Variants in MTMR9 observed in about 807,000 individuals in gnomAD.
MTMR9 encodes myotubularin-related protein 9.
A neutral mutation model predicts 69.5 loss-of-function variants in MTMR9; 39 were observed. The ratio of observed to expected loss-of-function variants is 0.56; its 90% CI spans 0.43 to 0.73. MTMR9 has a LOEUF of 0.73. MTMR9 is among the 30% of genes least tolerant of loss of function. The probability of loss-of-function intolerance (pLI) is 0.00; values close to 1 mark genes in which losing one functional copy is unlikely to be tolerated. For synonymous variants in MTMR9, 354 were observed against 240.8 expected, an observed-to-expected ratio of 1.47 and a Z score of -4.35; for missense variants, 900 against 671.2, an observed-to-expected ratio of 1.34 and a Z score of -3.77.
intron 1 of MTMR9, among the ~76,000 whole-genome samples, chr8:11,286,340 T>C (rs1404646989): frequency 1.3e-5 from 2 of 151,854 alleles, no homozygotes; most frequent in African/African-American, 2.4e-5. Context: ...GGGGCTCTTA[T>C]TAGTCTCCTC....
Position 11,304,925 on chromosome 8 carries a change from A to G in MTMR9, c.502A>G (p.Ile168Val). 1 of 1,614,122 alleles carries G rather than the reference A, an allele frequency of 6.2e-7. No homozygotes were observed. Among genetic ancestry groups the G allele is most frequent in the South Asian group, 1.1e-5 (1 of 91,082 alleles). The stretch of plus-strand genomic sequence containing the variant: ...ACCAATTGTCACAGTGCCCAAATCC[A>G]TCGATGATGAAGCTCTTCGGAAGGT... Reference protein sequence around the residue: ...YPPIVTVPKSIDDEALRKVAT... With the variant: ...YPPIVTVPKSVDDEALRKVAT... Residue 168 changes from isoleucine to valine, a missense_variant, in exon 4 of 10, where the codon ATC becomes GTC. Transcript: ENST00000221086.
Position 11,326,461 on chromosome 8 carries a change from G to C in MTMR9, c.*3673G>C, listed in dbSNP as rs969987793. The stretch of plus-strand genomic sequence containing the variant: ...GAGAATGAAGTCATTCAGTACATCT[G>C]ATAAAGTTTTGTTGTTGTTGTTGTT... On this transcript the variant is annotated 3_prime_UTR_variant, in exon 10 of 10. Coordinates refer to ENST00000221086, the MANE Select transcript of MTMR9 (RefSeq NM_015458.4). The C allele has an allele frequency of 7.3e-6, 1 of 136,622 alleles. No individual in the cohort carries two copies. Among genetic ancestry groups the C allele is most frequent in the African/African-American group, 2.8e-5 (1 of 35,528 alleles). 8.5% of individuals were successfully genotyped at this position (136,622 alleles called of 1,614,324 possible).
Position 11,309,434 on chromosome 8 carries a change from C to T in MTMR9, c.810-93C>T, listed in dbSNP as rs965828899. The T allele has an allele frequency of 2.2e-5, 23 of 1,068,726 alleles. No homozygotes were observed. The African/African-American group carries it at 2.7e-4, about 13-fold the overall frequency. 66.2% of individuals were successfully genotyped at this position (1,068,726 alleles called of 1,614,324 possible). On this transcript the variant is annotated intron_variant, in intron 5 of 9. Transcript: ENST00000221086. ...TTTATAGTATTTTGAACTACTTTTG[C>T]TCTTAGATATGTTGGAGGCTGAATC...
chr8:11,309,080 A>G (rs1024587833), intron 5 of MTMR9, among the ~76,000 whole-genome samples: 5 of 152,202 alleles, frequency 3.3e-5, no homozygotes, highest in Admixed American at 1.3e-4. Flanking sequence ...AGAGTGATTT[A>G]TAAGTGTCTC....
At chr8:11,332,411 C>T (rs1476918162), downstream of MTMR9, among the ~76,000 whole-genome samples, 1 of 151,772 alleles carries the variant, frequency 6.6e-6, no homozygotes, top group African/African-American at 2.4e-5. Context: ...AAACAATTGT[C>T]TTAAATATGC....
intron 8 of MTMR9, chr8:11,317,955 A>C (rs1317786700): frequency 6.6e-6 from 1 of 152,152 alleles, no homozygotes; most frequent in Non-Finnish European, 1.5e-5. Flanking sequence ...AGTTTGGTGA[A>C]TATGACATAA....
rs1487079814 is a variant in MTMR9, at chr8:11,287,696, TTATATATTATATATATTATAA to T, written c.182+2641_182+2661del. Among the ~76,000 whole-genome samples, 23 of 136,004 alleles carry T rather than the reference TTATATATTATATATATTATAA, an allele frequency of 1.7e-4. 1 individual carries two copies. The allele number at this position is 136,004 out of a possible 152,430, so 89.2% of individuals were successfully genotyped here. A position where few individuals can be genotyped will look rare whatever the true frequency, so the allele number is the denominator to read the frequency against. The stretch of plus-strand genomic sequence containing the variant: ...GATATATTTATATTTATTATGTTTA[TTATATATTATATATATTATAA>T]TATATATTATATATTATATATTATT... On this transcript the variant is annotated intron_variant, in intron 1 of 9. Transcript: ENST00000221086.
intron 2 of MTMR9, among the ~76,000 whole-genome samples, chr8:11,297,697 G>A (rs1799609162): frequency 6.6e-6 from 1 of 152,108 alleles, no homozygotes; most frequent in Admixed American, 6.5e-5. Context: ...CTACCCACTT[G>A]CTGACGCTGA....
intron 8 of MTMR9, chr8:11,318,848 T>G (rs2090318240): frequency 6.6e-6 from 1 of 152,186 alleles, no homozygotes; most frequent in South Asian, 2.1e-4. Flanking sequence ...TCTAAAAAAT[T>G]TTAAGTTTTG....
At chr8:11,295,355 A>G (rs1176655846) in intron 2 of MTMR9, 53 bp downstream of exon 2, 11 of 984,376 alleles carry the variant, frequency 1.1e-5, no homozygotes, top group Non-Finnish European at 1.8e-5. Context: ...ATTATGACTC[A>G]GTGTAGCTCT....
At chr8:11,312,236 G>C (rs974163106) in intron 6 of MTMR9, among the ~76,000 whole-genome samples, 3 of 151,840 alleles carry the variant, frequency 2.0e-5, no homozygotes, top group Non-Finnish European at 1.5e-5. Context: ...TTTTAACAGA[G>C]ATGTGGTTTC....
At chr8:11,293,511 C>A (rs1335599458) in intron 1 of MTMR9, among the ~76,000 whole-genome samples, 1 of 152,164 alleles carries the variant, frequency 6.6e-6, no homozygotes, top group Non-Finnish European at 1.5e-5. Context: ...CTTACCTTTT[C>A]ATGCTCTTTA....
intron 3 of MTMR9, among the ~76,000 whole-genome samples, chr8:11,303,992 T>G (rs947497082): frequency 6.6e-6 from 1 of 152,232 alleles, no homozygotes; most frequent in African/African-American, 2.4e-5. Flanking sequence ...TTCCTGCTAT[T>G]GTAACCCATG....
rs1472918481 is a variant in MTMR9 at position 11,326,256 on chromosome 8, C to G, written c.*3468C>G. Reference sequence around the variant, plus strand: ...ATTCTAAAGTAGGTCATCAGGTTCACTTATTATCCGACCTTAATCTGGGAT... The same window carrying G: ...ATTCTAAAGTAGGTCATCAGGTTCAGTTATTATCCGACCTTAATCTGGGAT... On this transcript the variant is annotated 3_prime_UTR_variant, in exon 10 of 10. Transcript: ENST00000221086. 6.6e-6 allele frequency: 1 copy of G among 151,788 alleles called. No individual in the cohort carries two copies. The highest frequency in any genetic ancestry group is 2.4e-5 in the African/African-American group (1 of 41,390). 9.4% of individuals were successfully genotyped at this position (151,788 alleles called of 1,614,324 possible).
chr8:11,299,497 C>T (rs1799676926), intron 2 of MTMR9, among the ~76,000 whole-genome samples: 1 of 152,176 alleles, frequency 6.6e-6, no homozygotes, highest in Non-Finnish European at 1.5e-5. Context: ...GACTTTCCTA[C>T]TGCACTGCTA....
chr8:11,313,682 G>T (rs1281794647), intron 6 of MTMR9, among the ~76,000 whole-genome samples: 1 of 152,210 alleles, frequency 6.6e-6, no homozygotes, highest in Non-Finnish European at 1.5e-5. Flanking sequence ...CAAAGGAACA[G>T]CTGGTTAGTG....
At chr8:11,318,851 A>T (rs1800538890) in intron 8 of MTMR9, 1 of 152,148 alleles carries the variant, frequency 6.6e-6, no homozygotes, top group Non-Finnish European at 1.5e-5. Flanking sequence ...AAAAAATTTT[A>T]AGTTTTGTTT....
At chr8:11,315,900 C>T (rs1800394706) in intron 7 of MTMR9, 2 of 152,170 alleles carry the variant, frequency 1.3e-5, no homozygotes, top group South Asian at 4.1e-4. Context: ...ATTCTGTGAA[C>T]CACTGTAAAA....
At chr8:11,306,045 A>G in intron 4 of MTMR9, 145 bp from the exon 5 acceptor site, 3 of 664,698 alleles carry the variant, frequency 4.5e-6, no homozygotes, top group East Asian at 2.7e-5. Context: ...AATACATGCA[A>G]ATATTTCTTT....
Sources: gnomAD v4.1 joint callset for allele counts (sites outside exome capture counted in the v4.1 genomes callset) on GRCh38, gnomAD v4.1.1 for gene constraint, MANE v1.5 for transcripts, NCBI Gene and HGNC (gene_info 2026-07-23, HGNC 2026-07-21) for gene names.